RPS6KC1: variants seen among roughly 807,000 people sequenced by gnomAD.
RPS6KC1 encodes ribosomal protein S6 kinase C1.
Under a neutral mutation model 103.8 loss-of-function variants are expected in RPS6KC1, and 54 were observed. The ratio of observed to expected loss-of-function variants is 0.52; its 90% CI spans 0.42 to 0.65. RPS6KC1 has a LOEUF of 0.65. Ranked by LOEUF, RPS6KC1 falls within the 30% of genes least tolerant of loss-of-function variation. The probability of loss-of-function intolerance (pLI) is 0.00; values close to 1 mark genes in which losing one functional copy is unlikely to be tolerated. For synonymous variants in RPS6KC1, 439 were observed against 438.7 expected, an observed-to-expected ratio of 1.00 and a Z score of -0.01; for missense variants, 1,151 against 1,253.8, an observed-to-expected ratio of 0.92 and a Z score of 1.24.
chr1:213,305,813 C>T, the RPS6KC1 span, among the ~76,000 whole-genome samples: 1,024 of 152,320 alleles, frequency 6.7e-3, 9 homozygotes, highest in African/African-American at 0.023. Flanking sequence ...GTGCCGTGCC[C>T]TCTCCATTTC....
At chr1:213,518,769 CA>C in the RPS6KC1 span, among the ~76,000 whole-genome samples, 1 of 152,134 alleles carries the variant, frequency 6.6e-6, no homozygotes, top group African/African-American at 2.4e-5. Flanking sequence ...CTGAACCTTT[CA>C]AAAATACCCT....
chr1:213,652,587 G>A, the RPS6KC1 span, among the ~76,000 whole-genome samples: 1 of 152,248 alleles, frequency 6.6e-6, no homozygotes, highest in Non-Finnish European at 1.5e-5. Context: ...CAAAAATGAT[G>A]TTACATGAAT....
chr1:213,363,702 C>CTTT, the RPS6KC1 span, among the ~76,000 whole-genome samples: 31 of 58,864 alleles, frequency 5.3e-4, no homozygotes, highest in African/African-American at 1.4e-3. Flanking sequence ...TTCTTTCTTT[C>CTTT]CTTCTTTCTT....
chr1:213,106,465 C>T (rs995999355), intron 4 of RPS6KC1, among the ~76,000 whole-genome samples: 6 of 152,054 alleles, frequency 3.9e-5, no homozygotes, highest in Admixed American at 1.3e-4. Flanking sequence ...AGAGATAGTC[C>T]TTCTTACATC....
the RPS6KC1 span, among the ~76,000 whole-genome samples, chr1:213,654,861 A>G: frequency 2.6e-5 from 4 of 152,172 alleles, no homozygotes; most frequent in Non-Finnish European, 5.9e-5. Context: ...CTTTCATTGT[A>G]ACATTGATGT....
At chr1:213,172,684 G>A (rs1180777125) in intron 7 of RPS6KC1, among the ~76,000 whole-genome samples, 1 of 152,078 alleles carries the variant, frequency 6.6e-6, no homozygotes, top group African/African-American at 2.4e-5. Flanking sequence ...GTATTGAGAA[G>A]AGTTGTGAGA....
chr1:213,744,306 A>C, the RPS6KC1 span, among the ~76,000 whole-genome samples: 1 of 151,886 alleles, frequency 6.6e-6, no homozygotes, highest in Non-Finnish European at 1.5e-5. Context: ...TAATGATATA[A>C]AAAAAATAAA....
At chr1:213,188,404 G>A (rs2092619466) in intron 8 of RPS6KC1, among the ~76,000 whole-genome samples, 2 of 152,118 alleles carry the variant, frequency 1.3e-5, no homozygotes, top group South Asian at 4.2e-4. Flanking sequence ...TCTGTTCAGA[G>A]TTGTTTTTTG....
intron 6 of RPS6KC1, among the ~76,000 whole-genome samples, chr1:213,150,527 G>T (rs931936311): frequency 4.0e-5 from 6 of 150,486 alleles, no homozygotes; most frequent in Admixed American, 4.0e-4. Flanking sequence ...TAACGAGCAC[G>T]CTGCCTTCAA....
intron 6 of RPS6KC1, among the ~76,000 whole-genome samples, chr1:213,139,000 G>A (rs1011395663): frequency 1.9e-4 from 29 of 151,988 alleles, no homozygotes; most frequent in African/African-American, 6.8e-4. Context: ...TTTTTTCTGC[G>A]ATGTCACTGG....
Position 213,137,922 on chromosome 1 carries a change from G to A in RPS6KC1, c.835+8033G>A, listed in dbSNP as rs758418047. On this transcript the variant is annotated intron_variant, in intron 6 of 14. Coordinates refer to ENST00000366960, the MANE Select transcript of RPS6KC1 (RefSeq NM_012424.6). Reference sequence around the variant, plus strand: ...AATAGGGGGCCCTGGGAGTGCTGTTGTAGTTTGGTTGGTTTTTCTATTTAC... The same window carrying A: ...AATAGGGGGCCCTGGGAGTGCTGTTATAGTTTGGTTGGTTTTTCTATTTAC... 3.4e-5 allele frequency among the ~76,000 whole-genome samples: 5 copies of A among 145,140 alleles called. No individual in the cohort carries two copies. In the South Asian group the frequency reaches 1.1e-3, roughly 32 times the overall value.
chr1:213,354,681 G>C, the RPS6KC1 span, among the ~76,000 whole-genome samples: 2 of 152,210 alleles, frequency 1.3e-5, no homozygotes, highest in South Asian at 4.2e-4. Context: ...AGGGGGCTGA[G>C]TGTCCTAGCT....
At chr1:213,096,736 C>G (rs1268370053) in intron 3 of RPS6KC1, among the ~76,000 whole-genome samples, 2 of 151,898 alleles carry the variant, frequency 1.3e-5, no homozygotes, top group African/African-American at 4.8e-5. Flanking sequence ...GTGGTGAATC[C>G]TTTCCAGAAG....
the RPS6KC1 span, among the ~76,000 whole-genome samples, chr1:213,692,165 G>C: frequency 6.6e-6 from 1 of 152,162 alleles, no homozygotes; most frequent in African/African-American, 2.4e-5. Context: ...CACTTTGGGA[G>C]GCCAAGACAG....
Position 213,117,382 on chromosome 1 carries a change from T to C in RPS6KC1, c.444T>C (p.Ile148=). 6.2e-7 allele frequency: 1 copy of C among 1,609,464 alleles called. No homozygotes were observed. Among genetic ancestry groups the C allele is most frequent in the Non-Finnish European group, 8.5e-7 (1 of 1,176,172 alleles). Residue 148 remains isoleucine, a synonymous_variant, in exon 5 of 15, where the codon ATT becomes ATC. Transcript: ENST00000366960. ...GPAEAHSDSL[I]DTFPECSTEG... is the part of the protein sequence containing the mutation. ...CTGAAGCTCACTCAGATTCCCTCAT[T>C]GATACCTTTCCTGAGTGTAGTACGG...
chr1:213,292,091 G>A, the RPS6KC1 span, among the ~76,000 whole-genome samples: 139 of 152,002 alleles, frequency 9.1e-4, 3 homozygotes, highest in South Asian at 0.029. Flanking sequence ...CACACTCTGG[G>A]GACTGTTGAG....
At chr1:213,087,512 G>T (rs2148626928) in intron 3 of RPS6KC1, among the ~76,000 whole-genome samples, 1 of 152,290 alleles carries the variant, frequency 6.6e-6, no homozygotes, top group East Asian at 1.9e-4. Flanking sequence ...TAATGGGTAG[G>T]ATTCTTTCAG....
chr1:213,819,608 G>A, the RPS6KC1 span: 8 of 152,182 alleles, frequency 5.3e-5, no homozygotes, highest in Admixed American at 3.9e-4. Flanking sequence ...ATATGCAGAG[G>A]AAGATAATAA....
At chr1:213,060,006 C>T (rs189954694) in intron 1 of RPS6KC1, among the ~76,000 whole-genome samples, 138 of 152,120 alleles carry the variant, frequency 9.1e-4, no homozygotes, top group Admixed American at 3.7e-3. Flanking sequence ...TTAGTTGAGA[C>T]GGGGTTTTGC....
Sources: gnomAD v4.1 joint callset for allele counts (sites outside exome capture counted in the v4.1 genomes callset) on GRCh38, gnomAD v4.1.1 for gene constraint, MANE v1.5 for transcripts, NCBI Gene and HGNC (gene_info 2026-07-23, HGNC 2026-07-21) for gene names.